The following C5orf24 variants were observed in gnomAD, a reference collection of about 807,000 sequenced individuals.
C5orf24 encodes UPF0461 protein C5orf24.
Under a neutral mutation model 9.8 loss-of-function variants are expected in C5orf24, and 4 were observed. That is an observed-to-expected ratio of 0.41 (90% CI 0.20 to 0.93). The LOEUF is 0.93. C5orf24 is among the 40% of genes least tolerant of loss of function. The pLI is 0.33. For synonymous variants in C5orf24, 73 were observed against 81.3 expected (o/e 0.90, Z 0.55); for missense variants, 170 against 236.9 (o/e 0.72, Z 1.85).
chr5:134,855,855 T>C lies in C5orf24; in HGVS notation c.*388T>C. ...ACAGTATAATAAAGACACTAACGTA[T>C]TTTTAACTGATGGAGCAAAAAAGCA... On this transcript the variant is annotated 3_prime_UTR_variant, in exon 2 of 2. Transcript: ENST00000394976. 1 of 1,023,572 alleles carries C rather than the reference T, an allele frequency of 9.8e-7. No individual in the cohort carries two copies. Among genetic ancestry groups the C allele is most frequent in the Non-Finnish European group, 1.2e-6 (1 of 846,398 alleles). 63.4% of individuals were successfully genotyped at this position (1,023,572 alleles called of 1,614,324 possible).
chr5:134,850,600 G>A (rs955930196), intron 1 of C5orf24, among the ~76,000 whole-genome samples: 5 of 151,462 alleles, frequency 3.3e-5, no homozygotes, highest in Admixed American at 6.6e-5. Flanking sequence ...AGCCTCCCGA[G>A]TAGCTGGGAT....
At chr5:134,849,383 T>C (rs894235249) in intron 1 of C5orf24, among the ~76,000 whole-genome samples, 2 of 152,202 alleles carry the variant, frequency 1.3e-5, no homozygotes, top group African/African-American at 2.4e-5. Context: ...CATGTAAATA[T>C]ATAGTGATGG....
chr5:134,846,788 A>G lies in C5orf24; in HGVS notation c.-4+576A>G, dbSNP rs566635296. 4 of 152,302 alleles carry G rather than the reference A, an allele frequency of 2.6e-5. No individual in the cohort carries two copies. In the South Asian group the frequency reaches 8.3e-4, roughly 32 times the overall value. 9.4% of individuals were successfully genotyped at this position (152,302 alleles called of 1,614,324 possible). ...GAGGCCGTTATTTATGTGCCGTCCT[A>G]TTATCAAAACTTTCCGTGGTGGGGC... On this transcript the variant is annotated intron_variant, in intron 1 of 1. Coordinates refer to ENST00000394976, the MANE Select transcript of C5orf24 (RefSeq NM_001135586.1).
At chr5:134,838,738 A>G in the C5orf24 span, among the ~76,000 whole-genome samples, 831 of 151,900 alleles carry the variant, frequency 5.5e-3, 4 homozygotes, top group Middle Eastern at 0.041. Context: ...TGAGGCCAGG[A>G]GTCTGAGACT....
At chr5:134,848,635 T>C (rs1375487870) in intron 1 of C5orf24, among the ~76,000 whole-genome samples, 2 of 98,434 alleles carry the variant, frequency 2.0e-5, no homozygotes, top group African/African-American at 8.3e-5. Flanking sequence ...CACTCCAGCC[T>C]GGGCAAGAGC....
chr5:134,856,755 C>G lies in C5orf24; in HGVS notation c.*1288C>G, dbSNP rs1326673817. ...CTCAGAAATTGTCCCATTGCATTAG[C>G]ACTTACTGTGTTTTCAGGTTGATAT... On this transcript the variant is annotated 3_prime_UTR_variant, in exon 2 of 2. Transcript: ENST00000394976. 1.0e-6 allele frequency: 1 copy of G among 999,614 alleles called. No homozygotes were observed. Among genetic ancestry groups the G allele is most frequent in the African/African-American group, 1.7e-5 (1 of 57,182 alleles). The allele number at this position is 999,614 out of a possible 1,614,324, so 61.9% of individuals were successfully genotyped here. A position where few individuals can be genotyped will look rare whatever the true frequency, so the allele number is the denominator to read the frequency against.
the C5orf24 span, among the ~76,000 whole-genome samples, chr5:134,837,867 A>G: frequency 2.0e-5 from 3 of 152,200 alleles, no homozygotes; most frequent in Non-Finnish European, 4.4e-5. Context: ...ATAAAGCTAT[A>G]TATTTAGCAG....
chr5:134,843,741 G>C (rs1178350530), upstream of C5orf24, among the ~76,000 whole-genome samples: 1 of 152,102 alleles, frequency 6.6e-6, no homozygotes, highest in African/African-American at 2.4e-5. Flanking sequence ...TTTTAGTAGA[G>C]ACAGGGTTTC....
chr5:134,856,971 A>AT lies in C5orf24; in HGVS notation c.*1512dup, dbSNP rs1193378441. ...CCAGTGAGACCATCTCATCCAAAAG[A>AT]TTTTTTTTCCCCCAATGATGTTTGC... On this transcript the variant is annotated 3_prime_UTR_variant, in exon 2 of 2. Transcript: ENST00000394976. The AT allele has an allele frequency of 1.3e-5, 13 of 1,005,324 alleles. No individual in the cohort carries two copies. In the Admixed American group the frequency reaches 7.9e-4, roughly 61 times the overall value. The allele number at this position is 1,005,324 out of a possible 1,614,324, so 62.3% of individuals were successfully genotyped here.
the C5orf24 span, among the ~76,000 whole-genome samples, chr5:134,836,911 TAATC>T: frequency 6.6e-6 from 1 of 152,198 alleles, no homozygotes; most frequent in Non-Finnish European, 1.5e-5. Flanking sequence ...TTCATATACA[TAATC>T]AAGTATGTAT....
chr5:134,833,648 T>G, the C5orf24 span: 6 of 152,228 alleles, frequency 3.9e-5, no homozygotes, highest in South Asian at 2.1e-4. Flanking sequence ...ATATGTTGAC[T>G]GTTAACGGAT....
At chr5:134,836,252 G>C in the C5orf24 span, among the ~76,000 whole-genome samples, 2 of 138,116 alleles carry the variant, frequency 1.4e-5, 1 homozygote, top group Admixed American at 1.6e-4. Flanking sequence ...TCAGCTCACT[G>C]CAAGCTCCGC....
At chr5:134,852,612 G>A (rs958199138) in intron 1 of C5orf24, among the ~76,000 whole-genome samples, 12 of 152,188 alleles carry the variant, frequency 7.9e-5, no homozygotes, top group Admixed American at 3.3e-4. Flanking sequence ...TATGAAGGGT[G>A]CACACAAATA....
intron 1 of C5orf24, among the ~76,000 whole-genome samples, chr5:134,850,713 G>A (rs1446512917): frequency 6.6e-6 from 1 of 151,888 alleles, no homozygotes. Context: ...CTGACCTCAG[G>A]TGATCTGCCT....
upstream of C5orf24, among the ~76,000 whole-genome samples, chr5:134,840,893 A>G (rs1755882668): frequency 1.3e-5 from 2 of 152,208 alleles, no homozygotes; most frequent in South Asian, 4.1e-4. Flanking sequence ...TTATGTAGAC[A>G]TGATTAATTA....
At chr5:134,851,583 C>T (rs1756161597) in intron 1 of C5orf24, among the ~76,000 whole-genome samples, 1 of 152,048 alleles carries the variant, frequency 6.6e-6, no homozygotes, top group Non-Finnish European at 1.5e-5. Flanking sequence ...GTGGACAAAC[C>T]ACAACAAAAT....
rs367598207 is a variant in C5orf24 at position 134,858,048 on chromosome 5, G to A, written c.*2581G>A. ...ATTGTATAATGAATTTTGTATACAT[G>A]TTTATGAAATGGTGAGATCAACTAA... is the stretch of plus-strand genomic sequence containing the variant. On this transcript the variant is annotated 3_prime_UTR_variant, in exon 2 of 2. Transcript: ENST00000394976. 7.2e-5 allele frequency: 12 copies of A among 167,034 alleles called. No individual in the cohort carries two copies. The highest frequency in any genetic ancestry group is 2.6e-4 in the African/African-American group (11 of 41,512). The allele number at this position is 167,034 out of a possible 1,614,324, so 10.3% of individuals were successfully genotyped here.
At chr5:134,840,324 AAAAG>A in the C5orf24 span, among the ~76,000 whole-genome samples, 130 of 151,422 alleles carry the variant, frequency 8.6e-4, no homozygotes, top group Non-Finnish European at 9.6e-4. Context: ...AAAAAAAAAA[AAAAG>A]AACAGGGAAG....
chr5:134,847,832 T>C (rs1405461347), intron 1 of C5orf24, among the ~76,000 whole-genome samples: 1 of 152,008 alleles, frequency 6.6e-6, no homozygotes, highest in Non-Finnish European at 1.5e-5. Flanking sequence ...CTGGAGTAGC[T>C]GGAGTTACAG....
Sources: allele counts gnomAD v4.1 joint callset (sites outside exome capture counted in the v4.1 genomes callset), GRCh38; gene constraint gnomAD v4.1.1; transcripts MANE v1.5; gene names NCBI Gene and HGNC (gene_info 2026-07-23, HGNC 2026-07-21).